LOC128462377: variants seen among roughly 807,000 people sequenced by gnomAD.
the LOC128462377 span, among the ~76,000 whole-genome samples, chr16:89,397,657 C>G: frequency 6.6e-6 from 1 of 152,260 alleles, no homozygotes; most frequent in Non-Finnish European, 1.5e-5. Context: ...AAGGGTAAGA[C>G]ACAGTTCCCA....
chr16:89,339,376 C>G, the LOC128462377 span, among the ~76,000 whole-genome samples: 5 of 150,950 alleles, frequency 3.3e-5, no homozygotes, highest in East Asian at 7.7e-4. Flanking sequence ...AACAAACAAA[C>G]AAACAAAGAG....
At chr16:89,343,156 T>C in the LOC128462377 span, among the ~76,000 whole-genome samples, 27 of 152,030 alleles carry the variant, frequency 1.8e-4, no homozygotes, top group Non-Finnish European at 2.6e-4. Flanking sequence ...GCCTGGCTCA[T>C]GTTTTTGTAT....
chr16:89,357,460 A>G, the LOC128462377 span, among the ~76,000 whole-genome samples: 1 of 152,154 alleles, frequency 6.6e-6, no homozygotes, highest in South Asian at 2.1e-4. Context: ...AAACAGTGTG[A>G]CGATTCCTCA....
the LOC128462377 span, among the ~76,000 whole-genome samples, chr16:89,351,850 A>C: frequency 6.6e-6 from 1 of 152,194 alleles, no homozygotes; most frequent in African/African-American, 2.4e-5. Flanking sequence ...ATACACTAAC[A>C]ACCTTTGAAC....
the LOC128462377 span, among the ~76,000 whole-genome samples, chr16:89,321,588 G>A: frequency 3.5e-4 from 53 of 152,208 alleles, no homozygotes; most frequent in Middle Eastern, 6.8e-3. Flanking sequence ...GGGTCCCCTC[G>A]GGCCTTCTGA....
the LOC128462377 span, among the ~76,000 whole-genome samples, chr16:89,346,656 C>G: frequency 1.3e-5 from 2 of 151,956 alleles, no homozygotes; most frequent in Non-Finnish European, 2.9e-5. Flanking sequence ...AGGAGGGAAA[C>G]CAGAGTAGGA....
At chr16:89,368,889 ACT>A in the LOC128462377 span, among the ~76,000 whole-genome samples, 1 of 152,080 alleles carries the variant, frequency 6.6e-6, no homozygotes, top group East Asian at 1.9e-4. Context: ...GAGGAGAAAG[ACT>A]CTGTTTCCAA....
At chr16:89,396,381 G>A in the LOC128462377 span, among the ~76,000 whole-genome samples, 14 of 152,122 alleles carry the variant, frequency 9.2e-5, no homozygotes, top group Admixed American at 2.6e-4. Flanking sequence ...AGCCGCACTC[G>A]CCGCAAGAGA....
At chr16:89,318,517 C>T in the LOC128462377 span, among the ~76,000 whole-genome samples, 1 of 152,238 alleles carries the variant, frequency 6.6e-6, no homozygotes, top group Non-Finnish European at 1.5e-5. Flanking sequence ...ATTTACCCAT[C>T]TCGCTCATGC....
chr16:89,332,439 C>T, the LOC128462377 span, among the ~76,000 whole-genome samples: 14 of 152,196 alleles, frequency 9.2e-5, no homozygotes, highest in Non-Finnish European at 1.5e-4. Flanking sequence ...CCCTCCACAA[C>T]GGCAGCACCT....
At chr16:89,410,593 G>A in the LOC128462377 span, among the ~76,000 whole-genome samples, 1 of 152,178 alleles carries the variant, frequency 6.6e-6, no homozygotes, top group Non-Finnish European at 1.5e-5. Context: ...CCAGACACAA[G>A]CAGGTCCCTA....
chr16:89,334,170 A>AAAAAAAAC, the LOC128462377 span, among the ~76,000 whole-genome samples: 3 of 34,412 alleles, frequency 8.7e-5, no homozygotes, highest in African/African-American at 2.3e-4. Flanking sequence ...AAAAAAAAAA[A>AAAAAAAAC]AAACAGAGAG....
At chr16:89,318,226 G>T in the LOC128462377 span, among the ~76,000 whole-genome samples, 1 of 152,170 alleles carries the variant, frequency 6.6e-6, no homozygotes, top group African/African-American at 2.4e-5. Flanking sequence ...CGCCTGGCAT[G>T]GACACTCTCG....
At chr16:89,336,839 C>G in the LOC128462377 span, among the ~76,000 whole-genome samples, 1 of 152,014 alleles carries the variant, frequency 6.6e-6, no homozygotes, top group Non-Finnish European at 1.5e-5. Flanking sequence ...TAGAAAACAA[C>G]TGCAGGCCGG....
At chr16:89,358,308 A>G in the LOC128462377 span, among the ~76,000 whole-genome samples, 1 of 152,240 alleles carries the variant, frequency 6.6e-6, no homozygotes, top group African/African-American at 2.4e-5. Context: ...TCTGTTGGCC[A>G]CATCACAGCT....
the LOC128462377 span, among the ~76,000 whole-genome samples, chr16:89,382,297 C>T: frequency 6.6e-6 from 1 of 151,614 alleles, no homozygotes; most frequent in African/African-American, 2.4e-5. Context: ...TTAAACTAGA[C>T]AGCCAGGCAC....
At chr16:89,319,141 G>A in the LOC128462377 span, among the ~76,000 whole-genome samples, 1 of 152,236 alleles carries the variant, frequency 6.6e-6, no homozygotes, top group Non-Finnish European at 1.5e-5. Flanking sequence ...TCACCATGTA[G>A]AGTCCACCGT....
At chr16:89,362,832 T>C in the LOC128462377 span, among the ~76,000 whole-genome samples, 4 of 152,150 alleles carry the variant, frequency 2.6e-5, no homozygotes, top group African/African-American at 9.7e-5. Context: ...CACAAATTAC[T>C]TCCTCCTTCC....
the LOC128462377 span, among the ~76,000 whole-genome samples, chr16:89,335,492 G>A: frequency 6.6e-6 from 1 of 152,196 alleles, no homozygotes; most frequent in Non-Finnish European, 1.5e-5. Flanking sequence ...GTTAGGGCAG[G>A]TGCTCTCCCT....
Sources: allele counts gnomAD v4.1 joint callset (sites outside exome capture counted in the v4.1 genomes callset), GRCh38; gene constraint gnomAD v4.1.1; transcripts MANE v1.5.